The following MACROD2 variants were observed in gnomAD, a reference collection of about 807,000 sequenced individuals.
MACROD2 encodes the protein mono-ADP ribosylhydrolase 2.
Under a neutral mutation model 70.4 loss-of-function variants are expected in MACROD2, and 36 were observed. That is an observed-to-expected ratio of 0.51 (90% CI 0.39 to 0.68). MACROD2 has a LOEUF of 0.68. Among genes scored for constraint, MACROD2 ranks in the 30% least tolerant of loss-of-function variants. The pLI, the probability that MACROD2 is intolerant of heterozygous loss-of-function variation, is 0.00. For missense variants in MACROD2, 496 were observed against 538.4 expected, an observed-to-expected ratio of 0.92 and a Z score of 0.78; for synonymous variants, 172 against 178.8, an observed-to-expected ratio of 0.96 and a Z score of 0.30.
At chr20:15,194,776 G>A (rs918357390) in intron 5 of MACROD2, among the ~76,000 whole-genome samples, 2 of 151,984 alleles carry the variant, frequency 1.3e-5, no homozygotes, top group South Asian at 2.1e-4. Context: ...CTGTTACAGT[G>A]GAAGGAAGAA....
At chr20:15,058,332 T>G (rs2123071971) in intron 5 of MACROD2, among the ~76,000 whole-genome samples, 1 of 152,268 alleles carries the variant, frequency 6.6e-6, no homozygotes, top group Middle Eastern at 3.4e-3. Flanking sequence ...GATCTGTCCC[T>G]TGCAATTCTT....
intron 8 of MACROD2, among the ~76,000 whole-genome samples, chr20:15,568,901 G>C (rs1336232112): frequency 6.6e-6 from 1 of 152,104 alleles, no homozygotes; most frequent in Non-Finnish European, 1.5e-5. Context: ...TGGAGCTTGG[G>C]AACACCAGGA....
intron 2 of MACROD2, among the ~76,000 whole-genome samples, chr20:14,042,542 G>A (rs2053407053): frequency 1.3e-5 from 2 of 152,022 alleles, no homozygotes; most frequent in Admixed American, 6.5e-5. Flanking sequence ...GCTGTCGCCC[G>A]GGCTAGAGTA....
At chr20:14,863,395 G>C (rs1432409524) in intron 5 of MACROD2, among the ~76,000 whole-genome samples, 2 of 152,060 alleles carry the variant, frequency 1.3e-5, no homozygotes, top group Admixed American at 1.3e-4. Context: ...GGAGGGCAGG[G>C]GTGAGGAGTA....
intron 8 of MACROD2, among the ~76,000 whole-genome samples, chr20:15,583,621 C>A (rs1324881684): frequency 6.6e-6 from 1 of 151,962 alleles, no homozygotes; most frequent in East Asian, 1.9e-4. Context: ...ATCCTTCATG[C>A]CATGTGTTTT....
chr20:15,668,692 C>T (rs1017528127), intron 8 of MACROD2, among the ~76,000 whole-genome samples: 1 of 152,228 alleles, frequency 6.6e-6, no homozygotes, highest in African/African-American at 2.4e-5. Flanking sequence ...GCAAAATTAT[C>T]TCGATTATGA....
intron 8 of MACROD2, among the ~76,000 whole-genome samples, chr20:15,681,825 G>C (rs1452873599): frequency 1.3e-5 from 2 of 152,180 alleles, no homozygotes; most frequent in Admixed American, 6.5e-5. Context: ...AAGGACTCCT[G>C]TTCAATTGCC....
At chr20:15,682,020 C>G (rs565767932) in intron 8 of MACROD2, among the ~76,000 whole-genome samples, 5 of 152,160 alleles carry the variant, frequency 3.3e-5, no homozygotes, top group Admixed American at 6.5e-5. Flanking sequence ...TGCAGAATTG[C>G]ATCATCATGA....
chr20:15,608,964 T>C (rs762243966), intron 8 of MACROD2, among the ~76,000 whole-genome samples: 35 of 152,212 alleles, frequency 2.3e-4, no homozygotes, highest in Non-Finnish European at 4.1e-4. Context: ...CTTATGTGCC[T>C]GATGCTGCTC....
chr20:14,465,249 T>A (rs1233685579), intron 3 of MACROD2, among the ~76,000 whole-genome samples: 1 of 152,092 alleles, frequency 6.6e-6, no homozygotes, highest in Admixed American at 6.5e-5. Flanking sequence ...TTTAGGATAG[T>A]TAGTTCTTCT....
chr20:15,005,784 G>A (rs915335195), intron 5 of MACROD2, among the ~76,000 whole-genome samples: 15 of 152,052 alleles, frequency 9.9e-5, no homozygotes, highest in African/African-American at 3.4e-4. Flanking sequence ...CCTACCAAAC[G>A]TTTATTCTTT....
chr20:16,036,285 C>CACCT (rs545013968), intron 15 of MACROD2, among the ~76,000 whole-genome samples: 9 of 71,106 alleles, frequency 1.3e-4, no homozygotes, highest in Admixed American at 1.2e-3. Context: ...GGACTCCTCC[C>CACCT]CCGGCCAGCA....
At position 14,965,453 on chromosome 20, in the gene MACROD2, CTTTTTTTTT is replaced by C. The variant is rs532870999; in HGVS notation, c.419-264470_419-264462del. Among the ~76,000 whole-genome samples the C allele has an allele frequency of 7.3e-5, 5 of 68,074 alleles. No individual in the cohort carries two copies. The East Asian group carries it at 1.5e-3, about 20-fold the overall frequency. 44.7% of individuals were successfully genotyped at this position (68,074 alleles called of 152,430 possible). A position where few individuals can be genotyped will look rare whatever the true frequency, so the allele number is the denominator to read the frequency against. ...GGACGGCTAAAAGTTATTTTTTTTT[CTTTTTTTTT>C]TTTTTTTTTTTTTTTTGAGACGGAG... On this transcript the variant is annotated intron_variant, in intron 5 of 17. Transcript: ENST00000684519.
At chr20:15,230,979 C>G (rs113839012) in intron 6 of MACROD2, among the ~76,000 whole-genome samples, 36 of 152,180 alleles carry the variant, frequency 2.4e-4, no homozygotes, top group African/African-American at 8.2e-4. Flanking sequence ...CTGAATAGAT[C>G]AGCATTGCTT....
chr20:14,902,277 G>A (rs923757894), intron 5 of MACROD2, among the ~76,000 whole-genome samples: 1 of 152,134 alleles, frequency 6.6e-6, no homozygotes, highest in Non-Finnish European at 1.5e-5. Context: ...TACATTTAAA[G>A]CAGAGAGGAG....
intron 5 of MACROD2, among the ~76,000 whole-genome samples, chr20:14,951,836 A>C (rs1317834825): frequency 6.6e-6 from 1 of 151,564 alleles, no homozygotes; most frequent in Non-Finnish European, 1.5e-5. Context: ...AGTGTCTCTT[A>C]TCTTCCCCCA....
chr20:15,475,021 AAAAT>A (rs201473091), intron 7 of MACROD2, among the ~76,000 whole-genome samples: 3,010 of 152,138 alleles, frequency 0.02, 38 homozygotes, highest in South Asian at 0.049. Context: ...TCAGAAAAAA[AAAAT>A]AAATAACAAT....
At chr20:15,989,606 G>C (rs1302174444) in intron 15 of MACROD2, among the ~76,000 whole-genome samples, 2 of 151,836 alleles carry the variant, frequency 1.3e-5, no homozygotes, top group Admixed American at 6.6e-5. Flanking sequence ...TTTTTATTTA[G>C]TTATTAAAAA....
At chr20:14,463,067 T>G (rs2084391848) in intron 3 of MACROD2, among the ~76,000 whole-genome samples, 1 of 152,222 alleles carries the variant, frequency 6.6e-6, no homozygotes, top group African/African-American at 2.4e-5. Flanking sequence ...TCCAATTCTG[T>G]GAAGAAAGTC....
Sources: allele counts gnomAD v4.1 joint callset (sites outside exome capture counted in the v4.1 genomes callset), GRCh38; gene constraint gnomAD v4.1.1; transcripts MANE v1.5; gene names NCBI Gene and HGNC (gene_info 2026-07-23, HGNC 2026-07-21).